Variants in PKIB observed in about 807,000 individuals in gnomAD.
PKIB encodes the protein PKI-beta.
PKIB carries 2 observed loss-of-function variants against 4.5 expected under a neutral mutation model. The ratio of observed to expected loss-of-function variants is 0.44; its 90% CI spans 0.18 to 1.39. The LOEUF (loss-of-function observed/expected upper bound fraction) is 1.39, where lower values mean the gene tolerates loss of function less well. PKIB is among the 40% of genes most tolerant of loss of function. PKIB has a pLI of 0.27. For missense variants in PKIB, 94 were observed against 92.6 expected, an observed-to-expected ratio of 1.02 and a Z score of -0.06; for synonymous variants, 38 against 36.0, an observed-to-expected ratio of 1.06 and a Z score of -0.20.
intron 3 of PKIB, among the ~76,000 whole-genome samples, chr6:122,686,011 T>C (rs1778079341): frequency 6.6e-6 from 1 of 152,234 alleles, no homozygotes; most frequent in South Asian, 2.1e-4. Flanking sequence ...GGCTGAATAG[T>C]ACTCCATTGT....
chr6:122,695,370 A>G (rs1244841264), intron 3 of PKIB, among the ~76,000 whole-genome samples: 2 of 152,134 alleles, frequency 1.3e-5, no homozygotes, highest in African/African-American at 4.8e-5. Flanking sequence ...GATTACACAT[A>G]TTATATACAT....
chr6:122,637,206 A>G (rs1034116069), intron 2 of PKIB, among the ~76,000 whole-genome samples: 2 of 152,214 alleles, frequency 1.3e-5, no homozygotes. Context: ...TAAAACTTCT[A>G]TACATATAAA....
At chr6:122,624,202 A>G (rs1211764294) in intron 1 of PKIB, among the ~76,000 whole-genome samples, 2 of 152,190 alleles carry the variant, frequency 1.3e-5, no homozygotes, top group Non-Finnish European at 2.9e-5. Context: ...TCAAAATCCA[A>G]AGCAAACATG....
chr6:122,602,725 G>T (rs1774412033), intron 3 of PKIB, among the ~76,000 whole-genome samples: 1 of 151,980 alleles, frequency 6.6e-6, no homozygotes. Context: ...GACCAGCCTG[G>T]CCAATGTGGC....
intron 3 of PKIB, among the ~76,000 whole-genome samples, chr6:122,684,845 T>C (rs1778035486): frequency 6.6e-6 from 1 of 152,190 alleles, no homozygotes; most frequent in Non-Finnish European, 1.5e-5. Context: ...CATTGATTAA[T>C]TTGGCTTTGC....
chr6:122,482,045 GC>G (rs1371409711), intron 2 of PKIB: 1 of 149,318 alleles, frequency 6.7e-6, no homozygotes, highest in East Asian at 2.0e-4. Context: ...TGCAGGCTCC[GC>G]CCCTCTGGGG....
intron 3 of PKIB, among the ~76,000 whole-genome samples, chr6:122,604,820 AAAC>A (rs1774475827): frequency 6.6e-6 from 1 of 152,192 alleles, no homozygotes. Flanking sequence ...CTACTCTGCA[AAAC>A]AATGCCCTAT....
chr6:122,713,557 G>T (rs1408253667), intron 3 of PKIB, among the ~76,000 whole-genome samples: 1 of 152,098 alleles, frequency 6.6e-6, no homozygotes, highest in Non-Finnish European at 1.5e-5. Flanking sequence ...TGTGCAATCG[G>T]TGTTGTATAG....
At chr6:122,575,559 A>T (rs1319661298) in intron 2 of PKIB, among the ~76,000 whole-genome samples, 1 of 152,184 alleles carries the variant, frequency 6.6e-6, no homozygotes, top group African/African-American at 2.4e-5. Flanking sequence ...AATGTGATAT[A>T]TATACCCCAT....
intron 2 of PKIB, among the ~76,000 whole-genome samples, chr6:122,551,790 A>G (rs1772680594): frequency 6.6e-6 from 1 of 151,784 alleles, no homozygotes; most frequent in African/African-American, 2.4e-5. Context: ...TTTAAATACT[A>G]AAACTCCAGT....
chr6:122,622,026 G>A lies in PKIB; in HGVS notation c.-160-11257G>A, dbSNP rs552218010. On this transcript the variant is annotated intron_variant, in intron 1 of 4. Transcript: ENST00000368452. Reference sequence around the variant, plus strand: ...ACTAATTTAGATTTGTTGAATTTGAGTTAGGGTGTGTGGAACTAAGGAGAA... The same window carrying A: ...ACTAATTTAGATTTGTTGAATTTGAATTAGGGTGTGTGGAACTAAGGAGAA... Among the ~76,000 whole-genome samples the A allele has an allele frequency of 3.6e-4, 55 of 152,288 alleles. 1 individual carries two copies. In the South Asian group the frequency reaches 0.011, roughly 30 times the overall value.
At chr6:122,717,593 G>A in intron 3 of PKIB, 194 bp from the exon 4 acceptor site, 1 of 544,502 alleles carries the variant, frequency 1.8e-6, no homozygotes, top group Non-Finnish European at 3.2e-6. Flanking sequence ...TCACACTGAG[G>A]GCTTCCTGCT....
At chr6:122,716,751 C>G (rs1000718018) in intron 3 of PKIB, among the ~76,000 whole-genome samples, 4 of 152,098 alleles carry the variant, frequency 2.6e-5, no homozygotes, top group African/African-American at 9.7e-5. Context: ...TTCTGTGTAG[C>G]CCAAGGTTTA....
intron 2 of PKIB, chr6:122,484,060 C>G (rs192068321): frequency 1.3e-5 from 2 of 152,138 alleles, no homozygotes; most frequent in African/African-American, 4.8e-5. Context: ...ACTGCCATCA[C>G]CTAACCTAGT....
At chr6:122,472,281 CG>C (rs1352311001) in intron 1 of PKIB, among the ~76,000 whole-genome samples, 1 of 152,120 alleles carries the variant, frequency 6.6e-6, no homozygotes, top group Non-Finnish European at 1.5e-5. Context: ...GCCCGCTGCC[CG>C]GAACAAGTTT....
At chr6:122,720,184 T>A (rs1373301925) in intron 4 of PKIB, among the ~76,000 whole-genome samples, 3 of 152,202 alleles carry the variant, frequency 2.0e-5, no homozygotes, top group Non-Finnish European at 4.4e-5. Context: ...CCTTTGTTTT[T>A]ATTTTTAATT....
At chr6:122,533,930 C>A (rs1777331342) in intron 2 of PKIB, among the ~76,000 whole-genome samples, 1 of 151,906 alleles carries the variant, frequency 6.6e-6, no homozygotes. Flanking sequence ...CCTGTCCCTT[C>A]TATCAACCAT....
At chr6:122,611,977 C>T (rs764607545) in intron 1 of PKIB, among the ~76,000 whole-genome samples, 9 of 152,130 alleles carry the variant, frequency 5.9e-5, no homozygotes, top group Non-Finnish European at 8.8e-5. Context: ...TTTTGGAAAA[C>T]GTTTTTAGTA....
intron 2 of PKIB, among the ~76,000 whole-genome samples, chr6:122,580,670 C>A (rs1230433515): frequency 6.6e-6 from 1 of 152,030 alleles, no homozygotes; most frequent in African/African-American, 2.4e-5. Flanking sequence ...ATGCACTATA[C>A]ACTACAAGCA....
Sources: gnomAD v4.1 joint callset for allele counts (sites outside exome capture counted in the v4.1 genomes callset) on GRCh38, gnomAD v4.1.1 for gene constraint, MANE v1.5 for transcripts, NCBI Gene and HGNC (gene_info 2026-07-23, HGNC 2026-07-21) for gene names.